The following PDE7B variants were observed in gnomAD, a reference collection of about 807,000 sequenced individuals.
PDE7B encodes the protein phosphodiesterase 7B, also known as 3',5'-cyclic-AMP phosphodiesterase 7B.
Under a neutral mutation model 56.2 loss-of-function variants are expected in PDE7B, and 29 were observed. That is an observed-to-expected ratio of 0.52 (90% CI 0.38 to 0.70). The LOEUF is 0.70. Ranked by LOEUF, PDE7B falls within the 30% of genes least tolerant of loss-of-function variation. PDE7B has a pLI of 0.00. For synonymous variants in PDE7B, 197 were observed against 196.9 expected, an observed-to-expected ratio of 1.00 and a Z score of 0.00; for missense variants, 490 against 565.0, an observed-to-expected ratio of 0.87 and a Z score of 1.35.
intron 2 of PDE7B, among the ~76,000 whole-genome samples, chr6:135,981,770 T>C (rs1775301272): frequency 6.6e-6 from 1 of 151,876 alleles, no homozygotes; most frequent in South Asian, 2.1e-4. Context: ...TTAACTCTTT[T>C]TTTTTTTTCA....
intron 2 of PDE7B, chr6:136,038,250 C>T (rs766234144): frequency 2.3e-6 from 3 of 1,296,308 alleles, no homozygotes; most frequent in Non-Finnish European, 2.0e-6. Context: ...AGCAGCAGCA[C>T]CACCACCACC....
At chr6:136,188,311 A>G (rs1215381036) in intron 12 of PDE7B, among the ~76,000 whole-genome samples, 5 of 152,122 alleles carry the variant, frequency 3.3e-5, no homozygotes, top group Admixed American at 1.3e-4. Context: ...AGTTTTCACA[A>G]TCAAACCAAT....
chr6:136,079,190 CTG>C (rs1219594874), intron 2 of PDE7B, among the ~76,000 whole-genome samples: 1 of 152,082 alleles, frequency 6.6e-6, no homozygotes, highest in East Asian at 1.9e-4. Context: ...AGTCAAAAAA[CTG>C]TAAATCAAAC....
At chr6:136,147,163 T>TAAA (rs35202440) in intron 3 of PDE7B, among the ~76,000 whole-genome samples, 188 bp from the exon 4 acceptor site, 22 of 149,144 alleles carry the variant, frequency 1.5e-4, no homozygotes, top group African/African-American at 5.4e-4. Context: ...AAGTAAAAAT[T>TAAA]AAAAAAAAAA....
At chr6:136,137,807 A>T (rs901369244) in intron 3 of PDE7B, among the ~76,000 whole-genome samples, 5 of 152,142 alleles carry the variant, frequency 3.3e-5, no homozygotes, top group Non-Finnish European at 7.4e-5. Flanking sequence ...AAATTTAACA[A>T]TTACTGTACC....
intron 1 of PDE7B, among the ~76,000 whole-genome samples, chr6:135,899,576 G>A (rs1202206928): frequency 6.6e-6 from 1 of 151,756 alleles, no homozygotes; most frequent in African/African-American, 2.4e-5. Context: ...AAAAATGTGT[G>A]TCTTTTTCCA....
intron 3 of PDE7B, among the ~76,000 whole-genome samples, chr6:136,113,958 G>A (rs975349863): frequency 4.6e-5 from 7 of 152,194 alleles, no homozygotes; most frequent in Non-Finnish European, 2.9e-5. Flanking sequence ...CTCAGCAGAG[G>A]AAGTGACATA....
chr6:136,037,715 G>A (rs1280623355), intron 2 of PDE7B: 1 of 985,290 alleles, frequency 1.0e-6, no homozygotes, highest in East Asian at 1.1e-4. Flanking sequence ...CAAGGGGGGA[G>A]CCCCTCTGTG....
At chr6:136,124,675 T>C (rs930111920) in intron 3 of PDE7B, among the ~76,000 whole-genome samples, 1 of 152,242 alleles carries the variant, frequency 6.6e-6, no homozygotes, top group Admixed American at 6.5e-5. Flanking sequence ...ATTTTGTTCA[T>C]TGCTATATCC....
chr6:136,124,371 T>C (rs1408072122), intron 3 of PDE7B, among the ~76,000 whole-genome samples: 1 of 152,208 alleles, frequency 6.6e-6, no homozygotes, highest in Non-Finnish European at 1.5e-5. Flanking sequence ...TAAAAAATTG[T>C]GCAACCCAAT....
At chr6:135,933,884 T>C (rs1180211489) in intron 1 of PDE7B, among the ~76,000 whole-genome samples, 1 of 152,198 alleles carries the variant, frequency 6.6e-6, no homozygotes, top group African/African-American at 2.4e-5. Flanking sequence ...CCTCCCTTTA[T>C]ATTTTATAAA....
chr6:136,089,967 G>C (rs1777359049), intron 2 of PDE7B, among the ~76,000 whole-genome samples: 1 of 152,128 alleles, frequency 6.6e-6, no homozygotes, highest in East Asian at 1.9e-4. Context: ...ATAGCCATCT[G>C]TCTTTCCAAA....
At chr6:136,078,233 A>G (rs1442478331) in intron 2 of PDE7B, among the ~76,000 whole-genome samples, 1 of 152,220 alleles carries the variant, frequency 6.6e-6, no homozygotes, top group East Asian at 1.9e-4. Context: ...TCGTCAGGAA[A>G]AAGAATTCCC....
intron 2 of PDE7B, among the ~76,000 whole-genome samples, chr6:136,074,510 A>G (rs2128214386): frequency 6.6e-6 from 1 of 152,262 alleles, no homozygotes; most frequent in Non-Finnish European, 1.5e-5. Flanking sequence ...CTATTGTGCT[A>G]TCAAATACTA....
At chr6:136,135,703 T>C in intron 3 of PDE7B, among the ~76,000 whole-genome samples, 1 of 152,148 alleles carries the variant, frequency 6.6e-6, no homozygotes, top group East Asian at 1.9e-4. Flanking sequence ...TTCTGGCAGC[T>C]ATTTTATGAA....
At chr6:135,919,213 G>A (rs1774017674) in intron 1 of PDE7B, among the ~76,000 whole-genome samples, 1 of 152,120 alleles carries the variant, frequency 6.6e-6, no homozygotes, top group Admixed American at 6.6e-5. Context: ...TTGTGCTACC[G>A]AACGCCTCCT....
In PDE7B at chr6:135,928,192, G is replaced by C. The variant is rs142929040; in HGVS notation, c.22-19272G>C. ...GAGAGCACTTACACACTGCTGGTGGGAATGTAAATTAGTTTAGCTACTGTG... is the reference window on the plus strand; with the variant it reads ...GAGAGCACTTACACACTGCTGGTGGCAATGTAAATTAGTTTAGCTACTGTG... On this transcript the variant is annotated intron_variant, in intron 1 of 12. Transcript: ENST00000308191. Among the ~76,000 whole-genome samples the C allele has an allele frequency of 2.8e-3, 426 of 151,842 alleles. 2 individuals carry two copies. Among genetic ancestry groups the C allele is most frequent in the African/African-American group, 9.8e-3 (405 of 41,444 alleles).
At chr6:136,184,235 T>C (rs1434424317) in intron 11 of PDE7B, among the ~76,000 whole-genome samples, 1 of 152,188 alleles carries the variant, frequency 6.6e-6, no homozygotes, top group Non-Finnish European at 1.5e-5. Context: ...ATTTCCCCTT[T>C]ATATTCTCTA....
At chr6:135,991,287 C>A (rs1775474741) in intron 2 of PDE7B, among the ~76,000 whole-genome samples, 1 of 152,136 alleles carries the variant, frequency 6.6e-6, no homozygotes, top group African/African-American at 2.4e-5. Context: ...AGCCCCTACT[C>A]AAGATGGAGT....
Sources: allele counts gnomAD v4.1 joint callset (sites outside exome capture counted in the v4.1 genomes callset), GRCh38; gene constraint gnomAD v4.1.1; transcripts MANE v1.5; gene names NCBI Gene and HGNC (gene_info 2026-07-23, HGNC 2026-07-21).